Variants in CDC20B observed in about 807,000 individuals in gnomAD.
CDC20B encodes the protein cell division cycle 20B.
Under a neutral mutation model 64.1 loss-of-function variants are expected in CDC20B, and 58 were observed. That is an observed-to-expected ratio of 0.90 (90% CI 0.73 to 1.13). The LOEUF (loss-of-function observed/expected upper bound fraction) is 1.13. Ranked by LOEUF, CDC20B falls within the 50% of genes most tolerant of loss-of-function variation. The pLI is 0.00. For missense variants in CDC20B, 597 were observed against 633.0 expected (o/e 0.94, Z 0.61); for synonymous variants, 243 against 230.6 (o/e 1.05, Z -0.49).
intron 2 of CDC20B, chr5:55,161,069 A>G (rs1193920775): frequency 1.2e-6 from 2 of 1,614,184 alleles, no homozygotes; most frequent in South Asian, 1.1e-5. Context: ...GGAACTGCAC[A>G]AAGAGTTTGG....
At chr5:55,150,815 G>A (rs1186409692) in intron 2 of CDC20B, among the ~76,000 whole-genome samples, 1 of 152,052 alleles carries the variant, frequency 6.6e-6, no homozygotes, top group African/African-American at 2.4e-5. Context: ...CACAATCATG[G>A]CTCACCGCAG....
rs1743080778 is a variant in CDC20B, at chr5:55,133,501, G to T, written c.608C>A (p.Ser203Tyr). 1 of 1,562,886 alleles carries T rather than the reference G, an allele frequency of 6.4e-7. No homozygotes were observed. Among genetic ancestry groups the T allele is most frequent in the African/African-American group, 1.3e-5 (1 of 74,444 alleles). The stretch of plus-strand genomic sequence containing the variant: ...ATCACCAGAACTTTTAAGATGGAAG[G>T]ATTCATCTCTGACTCCATCTTTGCA... ...KGCKDGVRDE[S>Y]FHLKSSGDIN... Residue 203 changes from serine to tyrosine, a missense_variant, in exon 6 of 12, where the codon TCC becomes TAC. Transcript: ENST00000381375.
intron 5 of CDC20B, among the ~76,000 whole-genome samples, chr5:55,133,954 C>T (rs755749740): frequency 1.7e-4 from 26 of 152,040 alleles, no homozygotes; most frequent in Non-Finnish European, 2.2e-4. Flanking sequence ...TTTATTGATT[C>T]GTTGATTTTA....
chr5:55,163,142 T>C (rs1014612813), intron 2 of CDC20B, among the ~76,000 whole-genome samples: 1 of 152,184 alleles, frequency 6.6e-6, no homozygotes, highest in African/African-American at 2.4e-5. Flanking sequence ...TTTTTCCTCA[T>C]GTTAGTCAAT....
chr5:55,162,356 C>T (rs879469677), intron 2 of CDC20B, among the ~76,000 whole-genome samples: 2 of 152,204 alleles, frequency 1.3e-5, no homozygotes, highest in African/African-American at 2.4e-5. Context: ...AATCGCGCTA[C>T]TGCACTCCAG....
At chr5:55,165,710 A>G (rs950247041) in intron 2 of CDC20B, 11 of 152,260 alleles carry the variant, frequency 7.2e-5, no homozygotes, top group African/African-American at 2.2e-4. Flanking sequence ...ATTTGTAGGG[A>G]TAGCCTCAAG....
intron 11 of CDC20B, among the ~76,000 whole-genome samples, chr5:55,115,894 GCACACACACAC>G (rs1345688868): frequency 6.6e-6 from 1 of 151,822 alleles, no homozygotes; most frequent in Non-Finnish European, 1.5e-5. Context: ...ACACACACAC[GCACACACACAC>G]CACACACACA....
chr5:55,163,566 G>A (rs1007059786), intron 2 of CDC20B, among the ~76,000 whole-genome samples: 13 of 151,848 alleles, frequency 8.6e-5, no homozygotes, highest in Non-Finnish European at 1.6e-4. Context: ...GAGGGCAGTG[G>A]TGTGGTCTCA....
chr5:55,151,939 G>T (rs1743677692), intron 2 of CDC20B, among the ~76,000 whole-genome samples: 1 of 152,186 alleles, frequency 6.6e-6, no homozygotes, highest in Non-Finnish European at 1.5e-5. Context: ...GTAAGTTCAG[G>T]ATGAAGTTAA....
chr5:55,147,772 A>G (rs1002810511), intron 2 of CDC20B, among the ~76,000 whole-genome samples: 1 of 152,188 alleles, frequency 6.6e-6, no homozygotes, highest in Admixed American at 6.5e-5. Flanking sequence ...AAAATATGAC[A>G]TATGATATAA....
intron 2 of CDC20B, chr5:55,172,279 A>AG: frequency 3.4e-6 from 1 of 295,854 alleles, no homozygotes; most frequent in East Asian, 8.8e-5. Flanking sequence ...AATGCAACAG[A>AG]GAGGAGTGCA....
chr5:55,172,249 C>CT, intron 2 of CDC20B: 1 of 236,302 alleles, frequency 4.2e-6, no homozygotes, highest in South Asian at 6.1e-5. Flanking sequence ...ATTTCCATTT[C>CT]TTTGGGGGGC....
chr5:55,119,549 A>T (rs1044829157), intron 11 of CDC20B, among the ~76,000 whole-genome samples: 12 of 152,170 alleles, frequency 7.9e-5, no homozygotes, highest in South Asian at 2.1e-4. Flanking sequence ...ACTGCCCAAG[A>T]TCACCACTCC....
At chr5:55,143,134 AC>A (rs1029405610) in intron 4 of CDC20B, among the ~76,000 whole-genome samples, 52 of 152,190 alleles carry the variant, frequency 3.4e-4, no homozygotes, top group African/African-American at 1.0e-3. Flanking sequence ...TTCCTAAGAG[AC>A]CCCAAAGGAC....
chr5:55,135,165 C>T (rs1743128101), intron 5 of CDC20B, among the ~76,000 whole-genome samples: 1 of 151,970 alleles, frequency 6.6e-6, no homozygotes. Flanking sequence ...GGAACCTGCA[C>T]CTTCTGCCTA....
intron 2 of CDC20B, chr5:55,160,698 G>C: frequency 2.2e-6 from 1 of 452,592 alleles, no homozygotes; most frequent in South Asian, 3.9e-5. Flanking sequence ...AAAAGTATTG[G>C]TTCTATAATC....
At chr5:55,169,761 C>T (rs1052267472) in intron 2 of CDC20B, among the ~76,000 whole-genome samples, 2 of 152,212 alleles carry the variant, frequency 1.3e-5, no homozygotes, top group African/African-American at 4.8e-5. Context: ...ACTTTCCCTT[C>T]AGTTGGTACA....
chr5:55,167,707 C>T (rs541999791), intron 2 of CDC20B, among the ~76,000 whole-genome samples: 2 of 151,948 alleles, frequency 1.3e-5, no homozygotes, highest in African/African-American at 4.8e-5. Context: ...CAAAAAAAAT[C>T]AAAAAATTAG....
chr5:55,115,975 T>TA (rs1339959189), intron 11 of CDC20B, among the ~76,000 whole-genome samples: 1 of 152,046 alleles, frequency 6.6e-6, no homozygotes. Flanking sequence ...TGTTGGGACA[T>TA]AAAAAAGTTT....
Sources: allele counts gnomAD v4.1 joint callset (sites outside exome capture counted in the v4.1 genomes callset), GRCh38; gene constraint gnomAD v4.1.1; transcripts MANE v1.5; gene names NCBI Gene and HGNC (gene_info 2026-07-23, HGNC 2026-07-21).